The following ECPAS variants were observed in gnomAD, a reference collection of about 807,000 sequenced individuals.
ECPAS encodes the protein Ecm29 proteasome adaptor and scaffold, also known as proteasome adapter and scaffold protein ECM29.
A neutral mutation model predicts 255.1 loss-of-function variants in ECPAS; 70 were observed. The observed-to-expected ratio is 0.27, with a 90% CI of 0.23 to 0.33. The LOEUF (loss-of-function observed/expected upper bound fraction) is 0.33, where lower values mean the gene tolerates loss of function less well. ECPAS is among the 10% of genes least tolerant of loss of function. ECPAS has a pLI of 1.00. For synonymous variants in ECPAS, 784 were observed against 775.0 expected (o/e 1.01, Z -0.19); for missense variants, 1,817 against 2,206.4 (o/e 0.82, Z 3.54).
chr9:111,456,576 GA>G (rs2098267269), intron 2 of ECPAS, among the ~76,000 whole-genome samples: 1 of 152,144 alleles, frequency 6.6e-6, no homozygotes, highest in Admixed American at 6.5e-5. Context: ...TACAAAAATG[GA>G]AAAACATACA....
intron 25 of ECPAS, among the ~76,000 whole-genome samples, chr9:111,395,943 T>C (rs776377528): frequency 6.6e-6 from 1 of 152,208 alleles, no homozygotes; most frequent in Non-Finnish European, 1.5e-5. Context: ...CAACTCTCAT[T>C]ACAGTGCAAG....
chr9:111,387,060 G>A (rs888694221), intron 31 of ECPAS, among the ~76,000 whole-genome samples: 34 of 144,656 alleles, frequency 2.4e-4, no homozygotes, highest in African/African-American at 8.1e-4. Flanking sequence ...CTCACTCATC[G>A]TCAGTGCAGT....
intron 2 of ECPAS, among the ~76,000 whole-genome samples, chr9:111,461,297 C>T (rs1227882962): frequency 1.5e-4 from 20 of 130,154 alleles, no homozygotes; most frequent in African/African-American, 5.6e-4. Context: ...CCATCTCTAC[C>T]AAAAAAAAAA....
chr9:111,414,461 C>A lies in ECPAS; in HGVS notation c.1955G>T (p.Gly652Val). ...ACCTGCTAACAGCTGCTGAAGCAGG[C>A]CAATGTAGATCTGGACAGGGTTAGT... ...GETNPVQIYI[G>V]LLQQLLAGVG... is the part of the protein sequence containing the mutation. The change falls in exon 19 of 50, where the codon GGC becomes GTC. Residue 652 changes from glycine (G) to valine (V), a missense_variant. Gly to Val is a moderately radical substitution (Grantham distance 109, BLOSUM62 -3). This residue lies in a region of ECPAS where 573 missense variants were observed against 716.2 expected (regional missense o/e 0.80). Coordinates refer to ENST00000684092, the MANE Select transcript of ECPAS (RefSeq NM_001364929.1). 1 of 1,614,002 alleles carries A rather than the reference C, an allele frequency of 6.2e-7. No homozygotes were observed. The highest frequency in any genetic ancestry group is 8.5e-7 in the Non-Finnish European group (1 of 1,179,856).
At chr9:111,371,158 GT>G (rs11303009) in intron 43 of ECPAS, among the ~76,000 whole-genome samples, 66,725 of 151,940 alleles carry the variant, frequency 0.44, 14,845 homozygotes, top group Non-Finnish European at 0.48. Context: ...AGTGTTCACT[GT>G]TAAGAATCCT....
At chr9:111,436,828 T>C (rs2098238858) in intron 7 of ECPAS, 112 bp downstream of exon 7, 1 of 929,642 alleles carries the variant, frequency 1.1e-6, no homozygotes, top group Non-Finnish European at 1.6e-6. Flanking sequence ...CTTTCAAACA[T>C]ATTTCACTGG....
At chr9:111,462,734 T>C (rs1385174206) in intron 2 of ECPAS, among the ~76,000 whole-genome samples, 4 of 141,284 alleles carry the variant, frequency 2.8e-5, no homozygotes, top group African/African-American at 1.1e-4. Context: ...ACAACATTCA[T>C]GGAATTTTTT....
intron 24 of ECPAS, among the ~76,000 whole-genome samples, chr9:111,400,774 G>A (rs1350413613): frequency 6.6e-6 from 1 of 152,078 alleles, no homozygotes; most frequent in African/African-American, 2.4e-5. Context: ...TACAAGATCT[G>A]GAAAACAGCT....
chr9:111,407,403 GAAAAAAAAA>G (rs1161790026), intron 24 of ECPAS, among the ~76,000 whole-genome samples: 279 of 12,010 alleles, frequency 0.023, no homozygotes, highest in South Asian at 0.051. Context: ...CTCCATCTCA[GAAAAAAAAA>G]AAAAAAAAAA....
chr9:111,444,545 C>A, intron 3 of ECPAS, 51 bp from the exon 4 acceptor site: 1 of 1,210,664 alleles, frequency 8.3e-7, no homozygotes, highest in East Asian at 2.3e-5. Context: ...TCTTAAAAAC[C>A]ACTCATCTTA....
At chr9:111,482,293 A>G (rs1201938703) in intron 1 of ECPAS, among the ~76,000 whole-genome samples, 3 of 152,188 alleles carry the variant, frequency 2.0e-5, no homozygotes, top group Admixed American at 2.0e-4. Context: ...TTCAGCTTCA[A>G]AAAAAGCAAA....
At chr9:111,421,209 A>C (rs2098213119) in intron 15 of ECPAS, among the ~76,000 whole-genome samples, 1 of 152,176 alleles carries the variant, frequency 6.6e-6, no homozygotes, top group African/African-American at 2.4e-5. Context: ...GTCATATTTT[A>C]ATAGGAAGCA....
chr9:111,391,835 A>C lies in ECPAS; in HGVS notation c.3093-11T>G. On this transcript the variant is annotated splice_polypyrimidine_tract_variant and intron_variant, in intron 28 of 49. Transcript: ENST00000684092. ...ACTTCATGTTTAACTCTAAACCAAA[A>C]CAATAATTTCAATAAGCTTCAAGCT... 6.4e-7 allele frequency: 1 copy of C among 1,571,010 alleles called. No individual in the cohort carries two copies. Among genetic ancestry groups the C allele is most frequent in the Non-Finnish European group, 8.7e-7 (1 of 1,147,494 alleles).
At chr9:111,483,265 C>T (rs2098309522) in intron 1 of ECPAS, among the ~76,000 whole-genome samples, 1 of 151,922 alleles carries the variant, frequency 6.6e-6, no homozygotes, top group South Asian at 2.1e-4. Flanking sequence ...GAGGTGGCTC[C>T]GCCCGGGGCT....
rs143021566 is a variant in ECPAS at position 111,409,175 on chromosome 9, A to C, written c.2551-503T>G. 3.3e-5 allele frequency among the ~76,000 whole-genome samples: 5 copies of C among 152,322 alleles called. No individual in the cohort carries two copies. In the East Asian group the frequency reaches 9.6e-4, roughly 29 times the overall value. ...TCCGGCACATTAGAAGTGCTTAACA[A>C]TGTTTGGCAATGATTAGTTAATAGC... On this transcript the variant is annotated intron_variant, in intron 23 of 49. Coordinates refer to ENST00000684092, the MANE Select transcript of ECPAS (RefSeq NM_001364929.1).
intron 2 of ECPAS, among the ~76,000 whole-genome samples, chr9:111,458,977 T>C (rs1308555879): frequency 1.3e-5 from 2 of 151,982 alleles, no homozygotes; most frequent in East Asian, 3.9e-4. Context: ...CCTGAGGGGG[T>C]CCATGGAGAC....
At chr9:111,362,859 A>T (rs1333945445) in intron 49 of ECPAS, among the ~76,000 whole-genome samples, 6 of 152,138 alleles carry the variant, frequency 3.9e-5, no homozygotes, top group African/African-American at 1.4e-4. Context: ...CAAGGAAAAA[A>T]GGGATTAGGA....
intron 1 of ECPAS, chr9:111,483,516 G>GGGAGGC (rs1161956743): frequency 1.0e-6 from 1 of 979,326 alleles, no homozygotes. Flanking sequence ...AGCTCATCCT[G>GGGAGGC]GGAGGCGGAG....
Position 111,369,111 on chromosome 9 carries a change from C to G in ECPAS, c.5037G>C (p.Lys1679Asn), listed in dbSNP as rs1589110263. The G allele has an allele frequency of 1.2e-6, 2 of 1,607,884 alleles. No individual in the cohort carries two copies. The highest frequency in any genetic ancestry group is 2.3e-5 in the East Asian group (1 of 44,376). Residue 1679 changes from lysine (K) to asparagine (N), a missense_variant, in exon 46 of 50, where the codon AAG becomes AAC. Coordinates refer to ENST00000684092, the MANE Select transcript of ECPAS (RefSeq NM_001364929.1). ...CCAGCAGATATTCCAGCTGGAGCTC[C>G]TTTTCCTTTTCATTCTCCTCTTCAT... ...TKNEEENEKE[K>N]ELQLEYLLGA...
Sources: allele counts gnomAD v4.1 joint callset (sites outside exome capture counted in the v4.1 genomes callset), GRCh38; gene constraint gnomAD v4.1.1; regional missense constraint gnomAD v4.1.1; transcripts MANE v1.5; gene names NCBI Gene and HGNC (gene_info 2026-07-23, HGNC 2026-07-21).